DHX40: variants seen among roughly 807,000 people sequenced by gnomAD.
DHX40 encodes DEAH-box helicase 40.
A neutral mutation model predicts 89.6 loss-of-function variants in DHX40; 28 were observed. The ratio of observed to expected loss-of-function variants is 0.31; its 90% confidence interval spans 0.23 to 0.43. The LOEUF is 0.43. DHX40 is among the 20% of genes least tolerant of loss of function. The pLI is 1.00. For missense variants in DHX40, 457 were observed against 844.0 expected (o/e 0.54, Z 5.68); for synonymous variants, 226 against 283.6 (o/e 0.80, Z 2.04).
intron 11 of DHX40, among the ~76,000 whole-genome samples, chr17:59,587,182 AAAAAT>A (rs1319852374): frequency 6.6e-6 from 1 of 151,146 alleles, no homozygotes; most frequent in African/African-American, 2.4e-5. Flanking sequence ...GTAAAATTGA[AAAAAT>A]AAAATTATTA....
chr17:59,588,828 GT>G (rs2049038517), intron 12 of DHX40, among the ~76,000 whole-genome samples: 1 of 151,988 alleles, frequency 6.6e-6, no homozygotes, highest in African/African-American at 2.4e-5. Flanking sequence ...TGTCTTTATT[GT>G]TGTATCTAAA....
chr17:59,572,908 A>G (rs1396423065), intron 3 of DHX40, among the ~76,000 whole-genome samples: 1 of 152,204 alleles, frequency 6.6e-6, no homozygotes, highest in Non-Finnish European at 1.5e-5. Context: ...TTTGTCCAAG[A>G]ATACCCAAGT....
intron 17 of DHX40, 187 bp downstream of exon 17, chr17:59,605,861 A>G: frequency 1.5e-6 from 1 of 661,858 alleles, no homozygotes. Flanking sequence ...GTGACTTGGG[A>G]GGCTGATGCA....
At chr17:59,590,855 AG>A (rs1437593504) in intron 12 of DHX40, among the ~76,000 whole-genome samples, 1 of 151,616 alleles carries the variant, frequency 6.6e-6, no homozygotes, top group African/African-American at 2.4e-5. Flanking sequence ...TATAAAAATA[AG>A]TAATGTTAAC....
intron 10 of DHX40, among the ~76,000 whole-genome samples, chr17:59,583,605 G>T (rs555578964): frequency 1.5e-4 from 21 of 142,798 alleles, no homozygotes; most frequent in African/African-American, 4.4e-4. Flanking sequence ...TTTAGGCCGG[G>T]TGCGGTGGCT....
chr17:59,591,331 A>T (rs917606319), intron 12 of DHX40, among the ~76,000 whole-genome samples: 1 of 150,380 alleles, frequency 6.6e-6, no homozygotes. Context: ...AGAAAGAAAT[A>T]AACAAGCTAA....
intron 12 of DHX40, among the ~76,000 whole-genome samples, chr17:59,597,718 C>G (rs1242436321): frequency 6.7e-6 from 1 of 150,324 alleles, no homozygotes; most frequent in Non-Finnish European, 1.5e-5. Context: ...GGGCAGATCA[C>G]AAGGTCAGGA....
intron 14 of DHX40, among the ~76,000 whole-genome samples, chr17:59,600,842 G>T: frequency 7.1e-6 from 1 of 141,814 alleles, no homozygotes; most frequent in South Asian, 2.3e-4. Flanking sequence ...GCAGCACCCT[G>T]TCTCAAAAAA....
chr17:59,605,068 A>G, intron 15 of DHX40, 47 bp from the exon 16 acceptor site: 1 of 1,504,042 alleles, frequency 6.6e-7, no homozygotes, highest in Admixed American at 1.7e-5. Flanking sequence ...CATTTACTTC[A>G]TTGCTTTACT....
At chr17:59,581,223 GA>G (rs1263892017) in intron 10 of DHX40, among the ~76,000 whole-genome samples, 4 of 123,548 alleles carry the variant, frequency 3.2e-5, no homozygotes, top group Non-Finnish European at 6.7e-5. Flanking sequence ...GTTATATTAG[GA>G]AAACAAGGTT....
intron 3 of DHX40, among the ~76,000 whole-genome samples, chr17:59,571,381 C>T (rs899014649): frequency 1.3e-5 from 2 of 150,970 alleles, no homozygotes; most frequent in Admixed American, 6.6e-5. Context: ...GGCTTGAACC[C>T]GGGAGGCGGA....
intron 11 of DHX40, among the ~76,000 whole-genome samples, chr17:59,587,010 G>T (rs542687325): frequency 1.3e-5 from 2 of 151,988 alleles, no homozygotes; most frequent in Non-Finnish European, 2.9e-5. Flanking sequence ...AAAATTAGCC[G>T]ATGGTGTTGG....
chr17:59,585,348 C>T (rs949199486), intron 10 of DHX40, among the ~76,000 whole-genome samples: 11 of 132,730 alleles, frequency 8.3e-5, no homozygotes, highest in African/African-American at 3.0e-4. Context: ...TGTAGTGAGC[C>T]GAGATTGCCA....
intron 1 of DHX40, 145 bp from the exon 2 acceptor site, chr17:59,566,482 A>C: frequency 6.4e-6 from 5 of 781,898 alleles, no homozygotes; most frequent in Non-Finnish European, 9.7e-6. Flanking sequence ...ATTAACGCTC[A>C]CTTACATGAG....
rs764645070 is a variant in DHX40, at chr17:59,607,282, A to G, written c.*110A>G. The G allele has an allele frequency of 1.2e-6, 2 of 1,603,466 alleles. No individual in the cohort carries two copies. The highest frequency in any genetic ancestry group is 1.7e-6 in the Non-Finnish European group (2 of 1,173,330). On this transcript the variant is annotated 3_prime_UTR_variant, in exon 18 of 18. Coordinates refer to ENST00000251241, the MANE Select transcript of DHX40 (RefSeq NM_024612.5). The stretch of plus-strand genomic sequence containing the variant: ...CAAGAGGAGGTGGTCAGCACTTGTT[A>G]TTGGCCTATGAACTAAAAGCAAATC...
chr17:59,586,665 GA>G (rs748237437), intron 11 of DHX40, among the ~76,000 whole-genome samples: 175 of 129,532 alleles, frequency 1.4e-3, no homozygotes, highest in East Asian at 2.2e-3. Context: ...AACTCCATCT[GA>G]AAAAAAAAAA....
intron 14 of DHX40, among the ~76,000 whole-genome samples, chr17:59,601,218 A>G (rs1217443771): frequency 6.6e-6 from 1 of 151,896 alleles, no homozygotes; most frequent in African/African-American, 2.4e-5. Flanking sequence ...GGTGAGGTAG[A>G]GGATTGCTTG....
chr17:59,566,666 C>T lies in DHX40; in HGVS notation c.152C>T (p.Pro51Leu). 2 of 1,602,714 alleles carry T rather than the reference C, an allele frequency of 1.2e-6. No homozygotes were observed. The highest frequency in any genetic ancestry group is 1.7e-6 in the Non-Finnish European group (2 of 1,177,076). The part of the protein sequence containing the change: ...GCTSQEGGTT[P>L]TFPIQKQRKK... ...ACGTCCCAGGAGGGAGGAACTACTCCAACTTTTCCTATTCAGAAACAAAGA... is the reference window on the plus strand; with the variant it reads ...ACGTCCCAGGAGGGAGGAACTACTCTAACTTTTCCTATTCAGAAACAAAGA... Residue 51 changes from proline (P) to leucine (L), a missense_variant, in exon 2 of 18, where the codon CCA becomes CTA. Pro to Leu is a moderately conservative substitution (Grantham distance 98). Around this residue, in one of 9 missense-constraint regions of DHX40, gnomAD observed 75 missense variants for 76.8 expected, o/e 0.98. Coordinates refer to ENST00000251241, the MANE Select transcript of DHX40 (RefSeq NM_024612.5).
At chr17:59,565,848 T>G in intron 1 of DHX40, 65 bp downstream of exon 1, 1 of 1,368,148 alleles carries the variant, frequency 7.3e-7, no homozygotes, top group South Asian at 1.3e-5. Context: ...GGTGGGGGGA[T>G]GAAAGTACGC....
Sources: allele counts gnomAD v4.1 joint callset (sites outside exome capture counted in the v4.1 genomes callset), GRCh38; gene constraint gnomAD v4.1.1; regional missense constraint gnomAD v4.1.1; transcripts MANE v1.5; gene names NCBI Gene and HGNC (gene_info 2026-07-23, HGNC 2026-07-21).